Variants in OPCML observed in about 807,000 individuals in gnomAD.
OPCML encodes opioid-binding protein/cell adhesion molecule.
In OPCML, 13 loss-of-function variants were observed where a neutral mutation model predicts 37.8. The observed-to-expected ratio is 0.34, with a 90% CI of 0.22 to 0.55. The LOEUF (loss-of-function observed/expected upper bound fraction) is 0.55, where lower values mean the gene tolerates loss of function less well. Ranked by LOEUF, OPCML falls within the 20% of genes least tolerant of loss-of-function variation. The pLI is 0.91. For synonymous variants in OPCML, 176 were observed against 168.8 expected (o/e 1.04, Z -0.33); for missense variants, 341 against 435.6 (o/e 0.78, Z 1.93).
intron 1 of OPCML, among the ~76,000 whole-genome samples, chr11:133,326,422 CATGTGTGTGGGTGCGTGT>C (rs1943456737): frequency 9.5e-6 from 1 of 105,014 alleles, no homozygotes; most frequent in South Asian, 3.2e-4. Context: ...TGTGGATATG[CATGTGTGTGGGTGCGTGT>C]ATGTGTGTGT....
At chr11:133,320,259 A>G (rs1363108120) in intron 1 of OPCML, among the ~76,000 whole-genome samples, 2 of 152,178 alleles carry the variant, frequency 1.3e-5, no homozygotes, top group Non-Finnish European at 2.9e-5. Flanking sequence ...AATTTGTACT[A>G]TTTCCTTCAT....
chr11:132,696,433 CAG>C (rs1236330587), intron 2 of OPCML, among the ~76,000 whole-genome samples: 4 of 151,980 alleles, frequency 2.6e-5, no homozygotes, highest in Admixed American at 1.3e-4. Flanking sequence ...TCAGAAGAAA[CAG>C]GGAACAGGAG....
chr11:133,018,069 T>C (rs1947371318), intron 1 of OPCML, among the ~76,000 whole-genome samples: 1 of 152,218 alleles, frequency 6.6e-6, no homozygotes. Context: ...AGGTGTCTTC[T>C]CAAGGGTGGG....
At chr11:132,593,227 G>A (rs1473765594) in intron 3 of OPCML, among the ~76,000 whole-genome samples, 1 of 152,126 alleles carries the variant, frequency 6.6e-6, no homozygotes, top group African/African-American at 2.4e-5. Context: ...CCCACAGAGG[G>A]AAACAGCTTG....
intron 7 of OPCML, among the ~76,000 whole-genome samples, chr11:132,432,385 C>T (rs947834760): frequency 9.2e-5 from 14 of 152,154 alleles, no homozygotes; most frequent in African/African-American, 3.4e-4. Context: ...TGATCTTGTG[C>T]TGAAACTATT....
intron 1 of OPCML, among the ~76,000 whole-genome samples, chr11:133,048,843 G>A (rs1948073181): frequency 6.6e-6 from 1 of 152,162 alleles, no homozygotes. Context: ...TTCCCAGAAT[G>A]CCACTGTACA....
chr11:133,384,243 T>C (rs1592252668), intron 1 of OPCML, among the ~76,000 whole-genome samples: 2 of 76,566 alleles, frequency 2.6e-5, no homozygotes, highest in Non-Finnish European at 4.3e-5. Flanking sequence ...CAAAGGCCAC[T>C]GTGCAAAAAA....
chr11:133,381,927 C>T (rs1212803368), intron 1 of OPCML, among the ~76,000 whole-genome samples: 1 of 152,246 alleles, frequency 6.6e-6, no homozygotes, highest in Non-Finnish European at 1.5e-5. Flanking sequence ...TCCTGTCCCT[C>T]TGAGGCCAGC....
intron 3 of OPCML, among the ~76,000 whole-genome samples, chr11:132,590,795 A>C (rs1295476538): frequency 6.6e-6 from 1 of 152,084 alleles, no homozygotes; most frequent in Non-Finnish European, 1.5e-5. Flanking sequence ...ACACATCAAC[A>C]TCCCTTTGTG....
chr11:132,752,528 T>C (rs1215507936), intron 2 of OPCML, among the ~76,000 whole-genome samples: 1 of 152,072 alleles, frequency 6.6e-6, no homozygotes, highest in Admixed American at 6.5e-5. Context: ...AACTGAATCA[T>C]AAGGAAAATC....
intron 2 of OPCML, among the ~76,000 whole-genome samples, chr11:132,686,423 G>T (rs1282387308): frequency 1.3e-5 from 2 of 152,214 alleles, no homozygotes; most frequent in Non-Finnish European, 1.5e-5. Context: ...GCAGTCTACA[G>T]AAACTGACTG....
chr11:133,374,452 T>C (rs1374536390), intron 1 of OPCML, among the ~76,000 whole-genome samples: 1 of 152,208 alleles, frequency 6.6e-6, no homozygotes, highest in African/African-American at 2.4e-5. Context: ...ACAGTTTAAA[T>C]ACGTGTAGTC....
intron 1 of OPCML, among the ~76,000 whole-genome samples, chr11:133,195,996 A>C (rs1326209089): frequency 1.3e-5 from 2 of 152,230 alleles, no homozygotes; most frequent in African/African-American, 4.8e-5. Context: ...ATATAAATTT[A>C]AGGTAGTGAG....
intron 1 of OPCML, among the ~76,000 whole-genome samples, chr11:133,087,282 T>C (rs993119757): frequency 5.3e-5 from 8 of 152,212 alleles, no homozygotes; most frequent in African/African-American, 1.9e-4. Flanking sequence ...TTTTCTTTCA[T>C]TGTATAATTT....
At chr11:132,514,706 A>C (rs2096276048) in intron 4 of OPCML, among the ~76,000 whole-genome samples, 1 of 152,138 alleles carries the variant, frequency 6.6e-6, no homozygotes, top group South Asian at 2.1e-4. Flanking sequence ...TGGGACAGAA[A>C]ATCCTGCCAA....
intron 3 of OPCML, among the ~76,000 whole-genome samples, chr11:132,554,708 CT>C (rs2096390275): frequency 6.6e-6 from 1 of 152,126 alleles, no homozygotes; most frequent in Non-Finnish European, 1.5e-5. Flanking sequence ...TTCCAATGTT[CT>C]GAGCCTTAGC....
Position 132,545,705 on chromosome 11 carries a change from C to T in OPCML, c.380-16519G>A, listed in dbSNP as rs569803033. ...TATATTATCATCATCCTTCCTAAGA[C>T]AAAGGTAGCAGAGTATATATACTGT... On this transcript the variant is annotated intron_variant, in intron 3 of 7. Coordinates refer to ENST00000524381, the MANE Select transcript of OPCML (RefSeq NM_001012393.5). Among the ~76,000 whole-genome samples, 7 of 152,212 alleles carry T rather than the reference C, an allele frequency of 4.6e-5. No individual in the cohort carries two copies. In the South Asian group the frequency reaches 1.5e-3, roughly 32 times the overall value.
At chr11:132,810,144 C>A (rs1364481205) in intron 2 of OPCML, among the ~76,000 whole-genome samples, 1 of 152,124 alleles carries the variant, frequency 6.6e-6, no homozygotes, top group Non-Finnish European at 1.5e-5. Context: ...CCACCACACC[C>A]AGCCTCTCCC....
chr11:133,489,883 T>C (rs1046977036), intron 1 of OPCML, among the ~76,000 whole-genome samples: 1 of 151,638 alleles, frequency 6.6e-6, no homozygotes, highest in Non-Finnish European at 1.5e-5. Flanking sequence ...CATATACATA[T>C]ACACACACAT....
Sources: allele counts gnomAD v4.1 joint callset (sites outside exome capture counted in the v4.1 genomes callset), GRCh38; gene constraint gnomAD v4.1.1; transcripts MANE v1.5; gene names NCBI Gene and HGNC (gene_info 2026-07-23, HGNC 2026-07-21).